TSPAN9: variants seen among roughly 807,000 people sequenced by gnomAD.
TSPAN9 encodes tetraspanin-9.
A neutral mutation model predicts 31.0 loss-of-function variants in TSPAN9; 16 were observed. The ratio of observed to expected loss-of-function variants is 0.52; its 90% CI spans 0.35 to 0.78. The LOEUF is 0.78. Among genes scored for constraint, TSPAN9 ranks in the 30% least tolerant of loss-of-function variants. TSPAN9 has a pLI of 0.01. For synonymous variants in TSPAN9, 145 were observed against 121.6 expected (o/e 1.19, Z -1.27); for missense variants, 272 against 312.5 (o/e 0.87, Z 0.98).
At chr12:3,154,010 A>ATGTGTGTGTGTGTG (rs56928697) in intron 2 of TSPAN9, among the ~76,000 whole-genome samples, 2 of 147,902 alleles carry the variant, frequency 1.4e-5, no homozygotes, top group Admixed American at 6.8e-5. Flanking sequence ...TTATATATAT[A>ATGTGTGTGTGTGTG]TGTGTGTGTG....
chr12:3,243,272 G>A (rs1262484165), intron 3 of TSPAN9, among the ~76,000 whole-genome samples: 4 of 152,094 alleles, frequency 2.6e-5, no homozygotes, highest in Non-Finnish European at 4.4e-5. Flanking sequence ...CATCACCATC[G>A]CAGCCACTGT....
intron 2 of TSPAN9, among the ~76,000 whole-genome samples, chr12:3,124,230 C>A (rs1322284194): frequency 1.3e-5 from 2 of 152,138 alleles, no homozygotes; most frequent in African/African-American, 4.8e-5. Flanking sequence ...TGCAAAAATG[C>A]AACATTGCTT....
chr12:3,282,420 G>T (rs1862913271), intron 8 of TSPAN9, among the ~76,000 whole-genome samples: 1 of 152,152 alleles, frequency 6.6e-6, no homozygotes, highest in African/African-American at 2.4e-5. Flanking sequence ...AAGAGACAGG[G>T]TCTCACTTTG....
intron 2 of TSPAN9, among the ~76,000 whole-genome samples, chr12:3,160,916 A>G (rs1362872450): frequency 6.6e-6 from 1 of 152,218 alleles, no homozygotes; most frequent in Non-Finnish European, 1.5e-5. Context: ...GTTATTTGCA[A>G]CATAAGAGTT....
intron 2 of TSPAN9, among the ~76,000 whole-genome samples, chr12:3,161,800 T>TA (rs2098345431): frequency 2.0e-5 from 3 of 151,610 alleles, no homozygotes; most frequent in African/African-American, 7.3e-5. Flanking sequence ...TCTATCTATC[T>TA]ATCTATCTAT....
chr12:3,080,867 G>A (rs59065614), intron 1 of TSPAN9, among the ~76,000 whole-genome samples: 2,647 of 152,242 alleles, frequency 0.017, 60 homozygotes, highest in African/African-American at 0.049. Flanking sequence ...CTGACCTTGA[G>A]GAATTAATCG....
chr12:3,136,565 T>C (rs1199758850), intron 2 of TSPAN9, among the ~76,000 whole-genome samples: 1 of 152,092 alleles, frequency 6.6e-6, no homozygotes, highest in Non-Finnish European at 1.5e-5. Context: ...TGAGTCGGGG[T>C]GGCTCTCCTT....
rs183702594 is a variant in TSPAN9, at chr12:3,190,773, A to G, written c.-17-10404A>G. ...TGTAAAGCTTGCCCTGCTCCAAGCA[A>G]AGGCTGATTTTTCTAAAGAGCTGCT... is the stretch of plus-strand genomic sequence containing the variant. On this transcript the variant is annotated intron_variant, in intron 2 of 8. Coordinates refer to ENST00000011898, the MANE Select transcript of TSPAN9 (RefSeq NM_006675.5). Among the ~76,000 whole-genome samples the G allele has an allele frequency of 2.0e-5, 3 of 152,326 alleles. No homozygotes were observed. In the East Asian group the frequency reaches 5.8e-4, roughly 29 times the overall value.
chr12:3,175,328 A>T (rs1381349551), intron 2 of TSPAN9, among the ~76,000 whole-genome samples: 1 of 152,132 alleles, frequency 6.6e-6, no homozygotes, highest in East Asian at 1.9e-4. Context: ...AGTGAGACAG[A>T]GAGGCAGAGA....
intron 3 of TSPAN9, among the ~76,000 whole-genome samples, chr12:3,229,672 G>T (rs563229672): frequency 7.9e-5 from 12 of 152,332 alleles, no homozygotes; most frequent in Non-Finnish European, 1.3e-4. Context: ...CAAAGATAGG[G>T]CTGTGTGCCA....
intron 3 of TSPAN9, among the ~76,000 whole-genome samples, chr12:3,249,759 T>C (rs688882): frequency 1 from 151,841 of 152,258 alleles, 75,714 homozygotes; most frequent in Middle Eastern, 1. Context: ...GGAACAGGCC[T>C]AGAGAGATTA....
chr12:3,247,806 C>T (rs959054716), intron 3 of TSPAN9, among the ~76,000 whole-genome samples: 19 of 152,172 alleles, frequency 1.2e-4, no homozygotes, highest in African/African-American at 3.9e-4. Context: ...CAACATCCCC[C>T]TGGGCTATTT....
intron 3 of TSPAN9, among the ~76,000 whole-genome samples, chr12:3,236,685 G>T (rs1406740469): frequency 6.6e-6 from 1 of 152,196 alleles, no homozygotes; most frequent in Non-Finnish European, 1.5e-5. Flanking sequence ...GTAAGCCTGG[G>T]TCTGTGCTTC....
chr12:3,081,353 C>A (rs112609136), intron 1 of TSPAN9, among the ~76,000 whole-genome samples: 2 of 152,270 alleles, frequency 1.3e-5, no homozygotes, highest in African/African-American at 4.8e-5. Context: ...GCCTGTCTAG[C>A]CTTATCGCCA....
intron 3 of TSPAN9, among the ~76,000 whole-genome samples, chr12:3,228,557 G>T (rs909222535): frequency 2.0e-5 from 3 of 152,184 alleles, no homozygotes; most frequent in Admixed American, 6.5e-5. Context: ...GATGAAAAAG[G>T]CCCCACTATT....
intron 3 of TSPAN9, among the ~76,000 whole-genome samples, chr12:3,211,296 T>C (rs1362696249): frequency 1.3e-5 from 2 of 152,336 alleles, no homozygotes; most frequent in Middle Eastern, 3.4e-3. Flanking sequence ...GCCACCTGTG[T>C]TTCTGTGTAT....
At chr12:3,124,771 A>G (rs1034795785) in intron 2 of TSPAN9, 2 of 152,120 alleles carry the variant, frequency 1.3e-5, no homozygotes, top group East Asian at 1.9e-4. Context: ...TAATGACTCA[A>G]AATAGGCCAG....
intron 2 of TSPAN9, among the ~76,000 whole-genome samples, chr12:3,181,793 C>T (rs957345477): frequency 6.6e-6 from 1 of 152,166 alleles, no homozygotes; most frequent in Non-Finnish European, 1.5e-5. Flanking sequence ...CTGTGATTCA[C>T]TTCATCAGTC....
chr12:3,170,344 C>T lies in TSPAN9; in HGVS notation c.-17-30833C>T. ...TCCAGTTTTATACCTATAGCCCAAA[C>T]TCCTGCGTTGGACACACCAATCTAC... On this transcript the variant is annotated intron_variant, in intron 2 of 8. Transcript: ENST00000011898. This position sits in a 1 kb window ranked among gnomAD's most constrained non-coding sequence, Gnocchi z 4.4. Among the ~76,000 whole-genome samples the T allele has an allele frequency of 6.6e-6, 1 of 152,202 alleles. No homozygotes were observed. Among genetic ancestry groups the T allele is most frequent in the East Asian group, 1.9e-4 (1 of 5,190 alleles).
Sources: allele counts gnomAD v4.1 joint callset (sites outside exome capture counted in the v4.1 genomes callset), GRCh38; gene constraint gnomAD v4.1.1; non-coding constraint Gnocchi (gnomAD v3.1); transcripts MANE v1.5; gene names NCBI Gene and HGNC (gene_info 2026-07-23, HGNC 2026-07-21).